Variants in FGF14 observed in about 807,000 individuals in gnomAD.
FGF14 encodes the protein fibroblast growth factor 14, also known as fibroblast growth factor homologous factor 4.
In FGF14, 5 loss-of-function variants were observed where a neutral mutation model predicts 25.5. The ratio of observed to expected loss-of-function variants is 0.20; its 90% CI spans 0.10 to 0.41. The LOEUF (loss-of-function observed/expected upper bound fraction) is 0.41. FGF14 is among the 10% of genes least tolerant of loss of function. The probability of loss-of-function intolerance (pLI) is 1.00; values close to 1 mark genes in which losing one functional copy is unlikely to be tolerated. For missense variants in FGF14, 222 were observed against 320.1 expected (o/e 0.69, Z 2.34); for synonymous variants, 138 against 118.3 (o/e 1.17, Z -1.08).
intron 1 of FGF14, among the ~76,000 whole-genome samples, chr13:102,087,360 C>A (rs2043953889): frequency 1.3e-5 from 2 of 150,070 alleles, no homozygotes; most frequent in African/African-American, 4.9e-5. Flanking sequence ...GGGCAAGATT[C>A]CTCATGTGTA....
chr13:102,235,618 G>T (rs918644014), intron 1 of FGF14, among the ~76,000 whole-genome samples: 2 of 152,176 alleles, frequency 1.3e-5, no homozygotes, highest in Admixed American at 6.5e-5. Flanking sequence ...GATCAGGGAA[G>T]AAAATTTGTT....
intron 1 of FGF14, among the ~76,000 whole-genome samples, chr13:102,273,156 A>G (rs886219548): frequency 6.6e-6 from 1 of 152,178 alleles, no homozygotes; most frequent in Non-Finnish European, 1.5e-5. Context: ...ATTTTGAAAA[A>G]AAGGTAGCAA....
intron 4 of FGF14, among the ~76,000 whole-genome samples, chr13:101,723,706 ACT>A (rs936891019): frequency 1.3e-5 from 2 of 151,962 alleles, no homozygotes; most frequent in African/African-American, 4.8e-5. Flanking sequence ...ACCTGAATAA[ACT>A]CTGAGGATTT....
chr13:101,963,032 T>G (rs1204343824), intron 1 of FGF14, among the ~76,000 whole-genome samples: 1 of 152,248 alleles, frequency 6.6e-6, no homozygotes, highest in East Asian at 1.9e-4. Context: ...CTTCTTCCAT[T>G]TAAAATCATT....
At chr13:101,780,116 G>T (rs1188770617) in intron 3 of FGF14, among the ~76,000 whole-genome samples, 1 of 152,114 alleles carries the variant, frequency 6.6e-6, no homozygotes. Context: ...TATCTGGAAA[G>T]GATACACTGG....
chr13:102,399,793 A>G (rs544522405), intron 1 of FGF14, among the ~76,000 whole-genome samples: 2 of 152,130 alleles, frequency 1.3e-5, no homozygotes, highest in Admixed American at 1.3e-4. Context: ...GTGAATAGAA[A>G]CGGTGTAAGA....
At chr13:101,786,140 G>A (rs1398515621) in intron 3 of FGF14, among the ~76,000 whole-genome samples, 1 of 152,144 alleles carries the variant, frequency 6.6e-6, no homozygotes, top group Non-Finnish European at 1.5e-5. Context: ...TGTGTTGGCA[G>A]TAAGACACCA....
At chr13:101,930,706 C>G (rs2034696749) in intron 1 of FGF14, among the ~76,000 whole-genome samples, 6 of 152,226 alleles carry the variant, frequency 3.9e-5, no homozygotes, top group Admixed American at 3.9e-4. Context: ...CACTCACACA[C>G]ACACTCACAC....
At chr13:101,981,637 C>CATA (rs1486841303) in intron 1 of FGF14, among the ~76,000 whole-genome samples, 1 of 81,966 alleles carries the variant, frequency 1.2e-5, no homozygotes, top group East Asian at 5.5e-4. Flanking sequence ...AGAAAGTGGC[C>CATA]ATAATTAAAA....
At chr13:101,884,389 C>CA (rs1363926330) in intron 1 of FGF14, among the ~76,000 whole-genome samples, 2 of 151,940 alleles carry the variant, frequency 1.3e-5, no homozygotes, top group Non-Finnish European at 2.9e-5. Context: ...GTGGGGCTGT[C>CA]ACAAAAACAG....
chr13:102,102,424 C>T (rs2044705514), intron 1 of FGF14, among the ~76,000 whole-genome samples: 1 of 152,108 alleles, frequency 6.6e-6, no homozygotes, highest in South Asian at 2.1e-4. Flanking sequence ...AATTGTATTG[C>T]CAGCTTAATA....
chr13:102,038,562 T>C (rs540467202), intron 1 of FGF14, among the ~76,000 whole-genome samples: 46 of 152,278 alleles, frequency 3.0e-4, no homozygotes, highest in African/African-American at 1.0e-3. Flanking sequence ...TTTCAACAAA[T>C]GTATTAAGCA....
At chr13:102,021,094 G>A (rs1197283723) in intron 1 of FGF14, among the ~76,000 whole-genome samples, 2 of 151,946 alleles carry the variant, frequency 1.3e-5, no homozygotes, top group East Asian at 3.9e-4. Context: ...TAAGTGGAGG[G>A]AAGAAAAACA....
chr13:101,960,883 T>C (rs2036810817), intron 1 of FGF14, among the ~76,000 whole-genome samples: 1 of 152,370 alleles, frequency 6.6e-6, no homozygotes, highest in Non-Finnish European at 1.5e-5. Context: ...ATAATCGTCA[T>C]TCTGACTGGA....
intron 1 of FGF14, among the ~76,000 whole-genome samples, chr13:102,200,627 T>C (rs2140876576): frequency 6.6e-6 from 1 of 152,082 alleles, no homozygotes; most frequent in South Asian, 2.1e-4. Context: ...TTGTTTTTTT[T>C]TTTTTTCAAC....
At chr13:102,262,066 C>T (rs2052745211) in intron 1 of FGF14, among the ~76,000 whole-genome samples, 1 of 152,168 alleles carries the variant, frequency 6.6e-6, no homozygotes, top group Non-Finnish European at 1.5e-5. Flanking sequence ...TTCCACTGAG[C>T]AAACAGATGT....
At chr13:102,034,723 C>G (rs1312573871) in intron 1 of FGF14, among the ~76,000 whole-genome samples, 2 of 152,134 alleles carry the variant, frequency 1.3e-5, no homozygotes, top group Non-Finnish European at 2.9e-5. Flanking sequence ...CCTCCTCACC[C>G]TAGTCCTGGT....
chr13:102,349,691 A>C (rs904895168), intron 1 of FGF14, among the ~76,000 whole-genome samples: 21 of 152,244 alleles, frequency 1.4e-4, no homozygotes, highest in African/African-American at 4.8e-4. Context: ...GAATTTTTCT[A>C]GAAAGAAAGT....
chr13:102,172,243 A>G (rs1273847889), intron 1 of FGF14, among the ~76,000 whole-genome samples: 4 of 152,142 alleles, frequency 2.6e-5, no homozygotes, highest in Non-Finnish European at 5.9e-5. Flanking sequence ...CAGTGATTTA[A>G]AACAACTCTA....
Sources: allele counts gnomAD v4.1 joint callset (sites outside exome capture counted in the v4.1 genomes callset), GRCh38; gene constraint gnomAD v4.1.1; transcripts MANE v1.5; gene names NCBI Gene and HGNC (gene_info 2026-07-23, HGNC 2026-07-21).